The following CLNK variants were observed in gnomAD, a reference collection of about 807,000 sequenced individuals.
CLNK encodes cytokine dependent hematopoietic cell linker, also known as cytokine-dependent hematopoietic cell linker.
Under a neutral mutation model 68.6 loss-of-function variants are expected in CLNK, and 74 were observed. The observed-to-expected ratio is 1.08, with a 90% CI of 0.89 to 1.31. The LOEUF (loss-of-function observed/expected upper bound fraction) is 1.31, where lower values mean the gene tolerates loss of function less well. CLNK is among the 50% of genes most tolerant of loss of function. The pLI, the probability that CLNK is intolerant of heterozygous loss-of-function variation, is 0.00. For synonymous variants in CLNK, 198 were observed against 172.2 expected, an observed-to-expected ratio of 1.15 and a Z score of -1.17; for missense variants, 553 against 515.3, an observed-to-expected ratio of 1.07 and a Z score of -0.71.
chr4:10,709,885 G>A, the CLNK span, among the ~76,000 whole-genome samples: 1 of 152,054 alleles, frequency 6.6e-6, no homozygotes, highest in Non-Finnish European at 1.5e-5. Flanking sequence ...CCCATCATGG[G>A]CCAACACCCC....
At chr4:10,697,149 G>A in the CLNK span, 1 of 152,144 alleles carries the variant, frequency 6.6e-6, no homozygotes, top group African/African-American at 2.4e-5. Context: ...ACTCATGATT[G>A]CAAAATAAAT....
chr4:10,711,243 C>T, the CLNK span, among the ~76,000 whole-genome samples: 1 of 152,166 alleles, frequency 6.6e-6, no homozygotes, highest in African/African-American at 2.4e-5. Flanking sequence ...GAATTAGGAA[C>T]AGGGAGACCT....
chr4:10,599,582 A>G (rs1280291092), intron 2 of CLNK, among the ~76,000 whole-genome samples: 1 of 151,890 alleles, frequency 6.6e-6, no homozygotes, highest in Non-Finnish European at 1.5e-5. Context: ...ACACTGAACT[A>G]TTTTCTGGAT....
At chr4:10,609,846 A>G (rs970827676) in intron 2 of CLNK, among the ~76,000 whole-genome samples, 1 of 152,056 alleles carries the variant, frequency 6.6e-6, no homozygotes, top group African/African-American at 2.4e-5. Flanking sequence ...TAATTTTACA[A>G]ATGAGGAAAA....
intron 1 of CLNK, among the ~76,000 whole-genome samples, chr4:10,677,325 A>T (rs1233226599): frequency 6.6e-6 from 1 of 152,114 alleles, no homozygotes; most frequent in East Asian, 1.9e-4. Flanking sequence ...TAAGCACCTG[A>T]TGTATGCTGG....
the CLNK span, among the ~76,000 whole-genome samples, chr4:10,704,359 C>T: frequency 6.6e-6 from 1 of 152,174 alleles, no homozygotes; most frequent in Admixed American, 6.5e-5. Context: ...AAAATAAACT[C>T]AGGATATAAT....
At chr4:10,576,933 C>T (rs747426456) in intron 4 of CLNK, among the ~76,000 whole-genome samples, 3 of 152,168 alleles carry the variant, frequency 2.0e-5, no homozygotes, top group Admixed American at 6.5e-5. Context: ...AGGGCCGGTG[C>T]CTTCATCTAT....
chr4:10,685,303 T>C (rs1725229123), upstream of CLNK, among the ~76,000 whole-genome samples: 3 of 152,144 alleles, frequency 2.0e-5, no homozygotes, highest in South Asian at 6.2e-4. Flanking sequence ...TATTTGTATT[T>C]TAGAAACTTT....
chr4:10,570,271 C>T (rs550391680), intron 5 of CLNK, among the ~76,000 whole-genome samples: 3 of 152,140 alleles, frequency 2.0e-5, no homozygotes, highest in Non-Finnish European at 4.4e-5. Flanking sequence ...CCACCCAATA[C>T]CTTTGCTAGA....
chr4:10,724,679 T>A, the CLNK span, among the ~76,000 whole-genome samples: 2 of 152,144 alleles, frequency 1.3e-5, no homozygotes, highest in Non-Finnish European at 2.9e-5. Flanking sequence ...GAGGAATGAA[T>A]GAATGAATTT....
chr4:10,611,615 C>T (rs1034774457), intron 2 of CLNK, among the ~76,000 whole-genome samples: 12 of 152,110 alleles, frequency 7.9e-5, no homozygotes, highest in Non-Finnish European at 1.6e-4. Context: ...ATAGCCTTTC[C>T]TCTATCTCCT....
intron 2 of CLNK, among the ~76,000 whole-genome samples, chr4:10,615,076 C>T (rs776093035): frequency 2.6e-5 from 4 of 152,068 alleles, no homozygotes; most frequent in African/African-American, 7.2e-5. Context: ...ATTCCAGTCA[C>T]TCAGGTGACT....
At chr4:10,643,519 C>T (rs1220924098) in intron 2 of CLNK, among the ~76,000 whole-genome samples, 1 of 152,188 alleles carries the variant, frequency 6.6e-6, no homozygotes, top group Admixed American at 6.5e-5. Flanking sequence ...CCTGCTTCCA[C>T]AAGGATAGGT....
intron 2 of CLNK, among the ~76,000 whole-genome samples, chr4:10,653,915 T>C (rs1221506549): frequency 1.3e-5 from 2 of 152,190 alleles, no homozygotes; most frequent in African/African-American, 4.8e-5. Flanking sequence ...AAATTACTCA[T>C]GAGGGAATAG....
intron 1 of CLNK, among the ~76,000 whole-genome samples, chr4:10,669,235 T>C (rs1169750525): frequency 6.6e-6 from 1 of 152,240 alleles, no homozygotes; most frequent in Non-Finnish European, 1.5e-5. Context: ...CTTAAGCCAC[T>C]TCTAAAACTA....
At chr4:10,612,787 G>C (rs1485864122) in intron 2 of CLNK, among the ~76,000 whole-genome samples, 1 of 152,162 alleles carries the variant, frequency 6.6e-6, no homozygotes, top group Non-Finnish European at 1.5e-5. Flanking sequence ...AGGAAGCCAG[G>C]GTTGGAGTCA....
At chr4:10,644,824 C>T (rs1723448718) in intron 2 of CLNK, among the ~76,000 whole-genome samples, 1 of 152,178 alleles carries the variant, frequency 6.6e-6, no homozygotes, top group Non-Finnish European at 1.5e-5. Flanking sequence ...CTTCTCAATT[C>T]CTGCCCTGCA....
chr4:10,651,689 T>G (rs1447839573), intron 2 of CLNK, among the ~76,000 whole-genome samples: 1 of 152,166 alleles, frequency 6.6e-6, no homozygotes, highest in Non-Finnish European at 1.5e-5. Flanking sequence ...TTTGAAACAT[T>G]AATAATAAAA....
At chr4:10,656,190 G>T (rs772137774) in intron 2 of CLNK, among the ~76,000 whole-genome samples, 1 of 151,810 alleles carries the variant, frequency 6.6e-6, no homozygotes, top group South Asian at 2.1e-4. Context: ...GGAAAAGTTC[G>T]CTATGACTCA....
Sources: allele counts gnomAD v4.1 joint callset (sites outside exome capture counted in the v4.1 genomes callset), GRCh38; gene constraint gnomAD v4.1.1; transcripts MANE v1.5; gene names NCBI Gene and HGNC (gene_info 2026-07-23, HGNC 2026-07-21).